The following GRIA3 variants were observed in gnomAD, a reference collection of about 807,000 sequenced individuals.
GRIA3 encodes glutamate ionotropic receptor AMPA type subunit 3.
Under a neutral mutation model 63.0 loss-of-function variants are expected in GRIA3, and 3 were observed. The ratio of observed to expected loss-of-function variants is 0.05; its 90% CI spans 0.02 to 0.12. The LOEUF (loss-of-function observed/expected upper bound fraction) is 0.12. Ranked by LOEUF, GRIA3 falls within the 10% of genes least tolerant of loss-of-function variation. The probability of loss-of-function intolerance (pLI) is 1.00; values close to 1 mark genes in which losing one functional copy is unlikely to be tolerated. For missense variants in GRIA3, 347 were observed against 700.9 expected (o/e 0.50, Z 5.70); for synonymous variants, 274 against 257.9 (o/e 1.06, Z -0.60).
chrX:123,192,367 G>C (rs1927460764), intron 2 of GRIA3, among the ~76,000 whole-genome samples: 1 of 111,576 alleles, frequency 9.0e-6, no homozygotes, highest in Non-Finnish European at 1.9e-5. Flanking sequence ...CTCTCCAGCT[G>C]TAAGTTTCCT....
chrX:123,343,652 A>T (rs1351615611), intron 4 of GRIA3, among the ~76,000 whole-genome samples: 1 of 110,580 alleles, frequency 9.0e-6, no homozygotes, highest in Non-Finnish European at 1.9e-5. Context: ...AGAGAGAGAG[A>T]GATTGAGATT....
Position 123,438,366 on chromosome X carries a change from T to C in GRIA3, c.2076+10227T>C, listed in dbSNP as rs1603155676. Reference sequence around the variant, plus strand: ...CTGTATGTATATGCCACATTTTGCTTATCTATTCATCTGTTGATGAATACG... The same window carrying C: ...CTGTATGTATATGCCACATTTTGCTCATCTATTCATCTGTTGATGAATACG... On this transcript the variant is annotated intron_variant, in intron 12 of 15. Coordinates refer to ENST00000620443, the MANE Select transcript of GRIA3 (RefSeq NM_007325.5). 4.4e-5 allele frequency among the ~76,000 whole-genome samples: 5 copies of C among 112,678 alleles called. 1 individual carries two copies. The Admixed American group carries it at 4.7e-4, about 11-fold the overall frequency.
intron 3 of GRIA3, chrX:123,253,801 G>C (rs1226277367): frequency 9.4e-6 from 3 of 318,768 alleles, no homozygotes; most frequent in Non-Finnish European, 1.1e-5. Context: ...AGTTGAAAAA[G>C]AACGCCTCCC....
intron 2 of GRIA3, chrX:123,204,703 G>A: frequency 2.0e-6 from 2 of 976,179 alleles, no homozygotes; most frequent in Non-Finnish European, 2.6e-6. Flanking sequence ...CAGTTGTGTG[G>A]GTGTATTTTT....
chrX:123,306,019 AT>A (rs2044752923), intron 3 of GRIA3, among the ~76,000 whole-genome samples: 1 of 111,657 alleles, frequency 9.0e-6, no homozygotes, highest in Admixed American at 9.5e-5. Context: ...TTCTTAGACT[AT>A]TCTGTATGCA....
At chrX:123,352,835 C>T (rs1220689386) in intron 4 of GRIA3, among the ~76,000 whole-genome samples, 1 of 111,116 alleles carries the variant, frequency 9.0e-6, no homozygotes, top group Non-Finnish European at 1.9e-5. Context: ...TTCTCGCAAG[C>T]GGACACTGAA....
intron 13 of GRIA3, among the ~76,000 whole-genome samples, chrX:123,479,754 A>C (rs1324457750): frequency 8.9e-6 from 1 of 112,141 alleles, no homozygotes; most frequent in Non-Finnish European, 1.9e-5. Flanking sequence ...GCTGCCGCCG[A>C]CGATTGTCAC....
At chrX:123,219,857 A>C (rs1454483902) in intron 2 of GRIA3, among the ~76,000 whole-genome samples, 2 of 112,603 alleles carry the variant, frequency 1.8e-5, no homozygotes, top group African/African-American at 6.5e-5. Context: ...ATGAATGTGG[A>C]CCATAATTAC....
intron 2 of GRIA3, among the ~76,000 whole-genome samples, chrX:123,191,196 G>A (rs1026691345): frequency 8.9e-6 from 1 of 112,497 alleles, no homozygotes; most frequent in African/African-American, 3.2e-5. Flanking sequence ...TGAAGGTCAA[G>A]CAAATAATCT....
intron 2 of GRIA3, among the ~76,000 whole-genome samples, chrX:123,242,734 G>A (rs899336294): frequency 6.2e-5 from 7 of 112,224 alleles, no homozygotes; most frequent in Middle Eastern, 4.6e-3. Flanking sequence ...TTCTCTGCAC[G>A]AACCTGTGAG....
In GRIA3 at chrX:123,395,006, G is replaced by A. The variant is rs1175155595; in HGVS notation, c.789G>A (p.Gly263=). The change falls in exon 6 of 16, where the codon GGG becomes GGA. Residue 263 remains glycine (G), a synonymous_variant. Coordinates refer to ENST00000620443, the MANE Select transcript of GRIA3 (RefSeq NM_007325.5). ...TDILLERVMH[G]GANITGFQIV... is the part of the protein sequence containing the mutation. Reference sequence around the variant, plus strand: ...TTTTACTGGAAAGAGTCATGCATGGGGGAGCCAACATTACAGGTTTCCAGA... The same window carrying A: ...TTTTACTGGAAAGAGTCATGCATGGAGGAGCCAACATTACAGGTTTCCAGA... The A allele has an allele frequency of 1.7e-6, 2 of 1,192,971 alleles. No homozygotes were observed. The highest frequency in any genetic ancestry group is 2.3e-6 in the Non-Finnish European group (2 of 878,431).
chrX:123,245,278 C>T (rs976213599), intron 2 of GRIA3, among the ~76,000 whole-genome samples: 1 of 111,447 alleles, frequency 9.0e-6, no homozygotes, highest in Non-Finnish European at 1.9e-5. Context: ...AAATAATATG[C>T]TGAGTTCGTG....
rs1927378126 is a variant in GRIA3, at chrX:123,189,737, G to A, written c.268+3747G>A. 2.7e-5 allele frequency among the ~76,000 whole-genome samples: 3 copies of A among 112,576 alleles called. No individual in the cohort carries two copies. In the Admixed American group the frequency reaches 2.8e-4, roughly 11 times the overall value. ...TTGGCTTAAATAAAAATCTGTTGAT[G>A]GAGGCACAATGGTGATGGTGGGATT... On this transcript the variant is annotated intron_variant, in intron 2 of 15. Coordinates refer to ENST00000620443, the MANE Select transcript of GRIA3 (RefSeq NM_007325.5).
intron 2 of GRIA3, among the ~76,000 whole-genome samples, chrX:123,243,607 C>T (rs1340772018): frequency 1.8e-5 from 2 of 112,248 alleles, no homozygotes; most frequent in Non-Finnish European, 3.8e-5. Flanking sequence ...ATCATGAAGT[C>T]ACAGCATCCT....
intron 2 of GRIA3, among the ~76,000 whole-genome samples, chrX:123,195,547 A>G (rs1347073664): frequency 8.9e-6 from 1 of 111,856 alleles, no homozygotes; most frequent in Non-Finnish European, 1.9e-5. Flanking sequence ...GTGTTATAAT[A>G]GGGAGTGGTG....
intron 2 of GRIA3, among the ~76,000 whole-genome samples, chrX:123,241,711 G>A (rs983600783): frequency 9.1e-6 from 1 of 110,228 alleles, no homozygotes; most frequent in African/African-American, 3.3e-5. Flanking sequence ...TGAAGAGCCT[G>A]GGATCTCTGA....
intron 12 of GRIA3, among the ~76,000 whole-genome samples, chrX:123,431,712 T>C (rs1351638578): frequency 8.9e-6 from 1 of 112,306 alleles, no homozygotes; most frequent in Non-Finnish European, 1.9e-5. Flanking sequence ...GAAGAAAAAG[T>C]AATTCCAAAG....
chrX:123,312,223 C>G (rs1201986399), intron 3 of GRIA3, among the ~76,000 whole-genome samples: 1 of 111,655 alleles, frequency 9.0e-6, no homozygotes, highest in Non-Finnish European at 1.9e-5. Context: ...ATCTCTTAGT[C>G]AAAAAATGAT....
chrX:123,311,131 G>GA (rs1436726845), intron 3 of GRIA3, among the ~76,000 whole-genome samples: 1 of 111,748 alleles, frequency 8.9e-6, no homozygotes, highest in Non-Finnish European at 1.9e-5. Context: ...TCCCAGAATG[G>GA]AAAAAAACAA....
Sources: allele counts gnomAD v4.1 joint callset (sites outside exome capture counted in the v4.1 genomes callset), GRCh38; gene constraint gnomAD v4.1.1; transcripts MANE v1.5; gene names NCBI Gene and HGNC (gene_info 2026-07-23, HGNC 2026-07-21).